Variants in RFX7 observed in about 807,000 individuals in gnomAD.
The protein encoded by RFX7 is DNA-binding protein RFX7.
A neutral mutation model predicts 111.8 loss-of-function variants in RFX7; 26 were observed. That is an observed-to-expected ratio of 0.23 (90% CI 0.17 to 0.32). The LOEUF is 0.32. Ranked by LOEUF, RFX7 falls within the 10% of genes least tolerant of loss-of-function variation. RFX7 has a pLI of 1.00. For synonymous variants in RFX7, 624 were observed against 624.4 expected, an observed-to-expected ratio of 1.00 and a Z score of 0.01; for missense variants, 1,573 against 1,772.9, an observed-to-expected ratio of 0.89 and a Z score of 2.02.
chr15:56,111,066 G>C (rs867980207), intron 5 of RFX7, among the ~76,000 whole-genome samples: 1 of 119,478 alleles, frequency 8.4e-6, no homozygotes, highest in Non-Finnish European at 1.8e-5. Flanking sequence ...CTGTCCGGGA[G>C]GTGAGGGGCG....
intron 2 of RFX7, among the ~76,000 whole-genome samples, chr15:56,206,222 T>C (rs910222291): frequency 6.6e-5 from 10 of 151,992 alleles, no homozygotes; most frequent in Non-Finnish European, 1.0e-4. Flanking sequence ...AAAAAAATGA[T>C]ACACATATAC....
At chr15:56,150,618 G>A (rs141581701) in intron 3 of RFX7, among the ~76,000 whole-genome samples, 3 of 152,294 alleles carry the variant, frequency 2.0e-5, no homozygotes, top group East Asian at 1.9e-4. Flanking sequence ...GAAAACCAAC[G>A]CAAAACGGCT....
In RFX7 at chr15:56,087,727, A is replaced by G. The variant is rs1431284730; in HGVS notation, c.*5618T>C. On this transcript the variant is annotated 3_prime_UTR_variant, in exon 10 of 10. Transcript: ENST00000559447. ...CTATAGTGACCTCATTGCATCCTGC[A>G]AAGACATTCACTGTGTCTTTTTCAT... is the stretch of plus-strand genomic sequence containing the variant. 5 of 351,116 alleles carry G rather than the reference A, an allele frequency of 1.4e-5. No homozygotes were observed. The Admixed American group carries it at 1.9e-4, about 13-fold the overall frequency. The allele number at this position is 351,116 out of a possible 1,614,324, so 21.8% of individuals were successfully genotyped here.
intron 2 of RFX7, among the ~76,000 whole-genome samples, chr15:56,228,270 T>C (rs2043508044): frequency 6.6e-6 from 1 of 152,164 alleles, no homozygotes; most frequent in South Asian, 2.1e-4. Flanking sequence ...AAGTTATTAT[T>C]ACTTCAAATA....
chr15:56,158,314 A>G (rs575828335), intron 3 of RFX7, among the ~76,000 whole-genome samples: 172 of 152,296 alleles, frequency 1.1e-3, no homozygotes, highest in African/African-American at 4.0e-3. Flanking sequence ...ACACAGCGAC[A>G]AAATGCTCAT....
At chr15:56,124,815 T>G (rs1020696301) in intron 5 of RFX7, among the ~76,000 whole-genome samples, 15 of 152,246 alleles carry the variant, frequency 9.9e-5, no homozygotes, top group African/African-American at 3.6e-4. Flanking sequence ...AAGTTTTCTT[T>G]TCATTGTATT....
intron 5 of RFX7, among the ~76,000 whole-genome samples, chr15:56,110,071 G>GC (rs2041894727): frequency 8.0e-6 from 1 of 125,512 alleles, no homozygotes; most frequent in Non-Finnish European, 1.7e-5. Context: ...CCAGCCAGCC[G>GC]CCCCGTCTGG....
At chr15:56,108,153 C>A (rs528887675) in intron 5 of RFX7, among the ~76,000 whole-genome samples, 159 of 152,352 alleles carry the variant, frequency 1.0e-3, no homozygotes, top group African/African-American at 3.6e-3. Context: ...ACCATTCCTT[C>A]TGAAACTATC....
Position 56,087,705 on chromosome 15 carries a change from T to C in RFX7, c.*5640A>G, listed in dbSNP as rs1388769087. 2.7e-6 allele frequency: 1 copy of C among 364,734 alleles called. No individual in the cohort carries two copies. Among genetic ancestry groups the C allele is most frequent in the Non-Finnish European group, 5.4e-6 (1 of 185,164 alleles). 22.6% of individuals were successfully genotyped at this position (364,734 alleles called of 1,614,324 possible). ...TACTGGTAAGTATCCGCCTCTGCTATAGTGACCTCATTGCATCCTGCAAAG... is the reference window on the plus strand; with the variant it reads ...TACTGGTAAGTATCCGCCTCTGCTACAGTGACCTCATTGCATCCTGCAAAG... On this transcript the variant is annotated 3_prime_UTR_variant, in exon 10 of 10. Transcript: ENST00000559447.
At chr15:56,139,260 A>T (rs9670809) in intron 5 of RFX7, among the ~76,000 whole-genome samples, 19,503 of 150,394 alleles carry the variant, frequency 0.13, 1,638 homozygotes, top group East Asian at 0.44. Context: ...CACCAATCAG[A>T]CGTAGATTTG....
intron 5 of RFX7, among the ~76,000 whole-genome samples, chr15:56,132,479 T>A (rs866200270): frequency 8.5e-5 from 13 of 152,100 alleles, no homozygotes; most frequent in Middle Eastern, 6.8e-3. Context: ...AAAGCTGGGA[T>A]AATTAACCAT....
intron 2 of RFX7, among the ~76,000 whole-genome samples, chr15:56,204,479 G>A (rs2043230611): frequency 6.6e-6 from 1 of 152,130 alleles, no homozygotes; most frequent in South Asian, 2.1e-4. Flanking sequence ...TGATTTAAAA[G>A]CACAGGTAAG....
At chr15:56,140,600 T>C (rs2042378861) in intron 5 of RFX7, among the ~76,000 whole-genome samples, 1 of 152,194 alleles carries the variant, frequency 6.6e-6, no homozygotes, top group Admixed American at 6.5e-5. Context: ...CCGGAGCTGT[T>C]CCTATTCGGC....
intron 5 of RFX7, among the ~76,000 whole-genome samples, chr15:56,127,793 G>A (rs976295237): frequency 2.0e-4 from 31 of 151,622 alleles, no homozygotes; most frequent in Admixed American, 3.3e-4. Context: ...TGATCTGCCC[G>A]TCTTGGCCTC....
At chr15:56,185,914 C>T (rs578027551) in intron 2 of RFX7, among the ~76,000 whole-genome samples, 1 of 152,244 alleles carries the variant, frequency 6.6e-6, no homozygotes, top group Admixed American at 6.5e-5. Context: ...CTTATCTTCA[C>T]AAAGATTATT....
intron 2 of RFX7, among the ~76,000 whole-genome samples, chr15:56,188,072 T>C (rs2043060490): frequency 6.6e-6 from 1 of 152,112 alleles, no homozygotes; most frequent in South Asian, 2.1e-4. Context: ...AAGGAAAATA[T>C]GGTCATAATA....
intron 2 of RFX7, among the ~76,000 whole-genome samples, chr15:56,190,718 A>G (rs1364803233): frequency 1.3e-5 from 2 of 152,196 alleles, no homozygotes; most frequent in Non-Finnish European, 2.9e-5. Flanking sequence ...AGCACCATCT[A>G]CACATGAAGA....
chr15:56,124,442 A>C (rs1214202094), intron 5 of RFX7, among the ~76,000 whole-genome samples: 1 of 151,092 alleles, frequency 6.6e-6, no homozygotes, highest in Non-Finnish European at 1.5e-5. Flanking sequence ...AAAAAAATCC[A>C]TACTGTTCTC....
Position 56,126,767 on chromosome 15 carries a change from CAGAGA to C in RFX7, c.401+16006_401+16010del, listed in dbSNP as rs571272498. 3.9e-4 allele frequency among the ~76,000 whole-genome samples: 59 copies of C among 152,156 alleles called. No individual in the cohort carries two copies. The South Asian group carries it at 0.012, about 30-fold the overall frequency. On this transcript the variant is annotated intron_variant, in intron 5 of 9. Transcript: ENST00000559447. The stretch of plus-strand genomic sequence containing the variant: ...AAGAACTGGAGGGCTGTACTAATAT[CAGAGA>C]AGAGAACTGTTACCAAAGATATTAA...
Sources: gnomAD v4.1 joint callset for allele counts (sites outside exome capture counted in the v4.1 genomes callset) on GRCh38, gnomAD v4.1.1 for gene constraint, MANE v1.5 for transcripts, NCBI Gene and HGNC (gene_info 2026-07-23, HGNC 2026-07-21) for gene names.